Variants in PCDHGB1 observed in about 807,000 individuals in gnomAD.
PCDHGB1 encodes protocadherin gamma-B1.
In PCDHGB1, 34 loss-of-function variants were observed where a neutral mutation model predicts 56.6. The ratio of observed to expected loss-of-function variants is 0.60; its 90% CI spans 0.46 to 0.80. PCDHGB1 has a LOEUF of 0.80. PCDHGB1 is among the 30% of genes least tolerant of loss of function. The pLI is 0.00. For missense variants in PCDHGB1, 1,278 were observed against 1,204.6 expected (o/e 1.06, Z -0.90); for synonymous variants, 561 against 505.9 (o/e 1.11, Z -1.46).
At chr5:141,427,526 G>A (rs956426158) in intron 1 of PCDHGB1, 2 of 612,866 alleles carry the variant, frequency 3.3e-6, no homozygotes, top group Middle Eastern at 2.6e-4. Context: ...AGCGGATCCC[G>A]GAGTACAACG....
At chr5:141,478,618 G>A (rs1374855853) in intron 1 of PCDHGB1, 1 of 1,556,056 alleles carries the variant, frequency 6.4e-7, no homozygotes, top group Non-Finnish European at 8.7e-7. Flanking sequence ...GGAAGGAATG[G>A]AGCTGTTTTT....
intron 2 of PCDHGB1, among the ~76,000 whole-genome samples, chr5:141,500,136 A>G (rs966215589): frequency 6.6e-6 from 1 of 151,606 alleles, no homozygotes; most frequent in African/African-American, 2.4e-5. Flanking sequence ...ATATCTTTCT[A>G]AACTTTTCTT....
intron 1 of PCDHGB1, chr5:141,383,593 G>C (rs893791654): frequency 5.6e-6 from 9 of 1,613,726 alleles, no homozygotes; most frequent in Admixed American, 1.7e-5. Flanking sequence ...CCAGGTGACA[G>C]TGGTGGATGT....
At position 141,490,155 on chromosome 5, in the gene PCDHGB1, G is replaced by A. The variant is rs753981059; in HGVS notation, c.2410-4652G>A. On this transcript the variant is annotated intron_variant, in intron 1 of 3. Transcript: ENST00000523390. This position sits in a 1 kb window ranked among gnomAD's most constrained non-coding sequence, Gnocchi z 5.4. ...CTAGCAGTGGGGCAATCCATGTGTT[G>A]GGTCCCATAGACTTTGAGGAGTCAC... 2 of 1,614,214 alleles carry A rather than the reference G, an allele frequency of 1.2e-6. No individual in the cohort carries two copies. The highest frequency in any genetic ancestry group is 1.1e-5 in the South Asian group (1 of 91,086).
At chr5:141,428,044 C>A in intron 1 of PCDHGB1, 1 of 1,608,790 alleles carries the variant, frequency 6.2e-7, no homozygotes, top group Non-Finnish European at 8.5e-7. Context: ...TACCTGGTGA[C>A]CAAGGTGGTG....
At chr5:141,366,160 G>T in intron 1 of PCDHGB1, 1 of 1,614,118 alleles carries the variant, frequency 6.2e-7, no homozygotes, top group Non-Finnish European at 8.5e-7. Flanking sequence ...GCCTGCTTAA[G>T]GCCAGCGAGC....
At chr5:141,458,386 G>A (rs1037969327) in intron 1 of PCDHGB1, among the ~76,000 whole-genome samples, 3 of 152,188 alleles carry the variant, frequency 2.0e-5, no homozygotes, top group African/African-American at 4.8e-5. Context: ...GAAGGAAGAC[G>A]CTCCCCCTTG....
chr5:141,395,213 T>C, intron 1 of PCDHGB1: 1 of 1,613,280 alleles, frequency 6.2e-7, no homozygotes, highest in Non-Finnish European at 8.5e-7. Flanking sequence ...TTCATGAATA[T>C]AAGAATGAAG....
chr5:141,481,780 C>T (rs781334437), intron 1 of PCDHGB1, among the ~76,000 whole-genome samples: 3 of 152,016 alleles, frequency 2.0e-5, no homozygotes, highest in African/African-American at 7.2e-5. Flanking sequence ...GGTGAAACCC[C>T]GTCTCTACTA....
In PCDHGB1 at chr5:141,385,111, T is replaced by G. The variant is rs373196114; in HGVS notation, c.2409+32442T>G. 2.8e-5 allele frequency: 46 copies of G among 1,614,188 alleles called. No individual in the cohort carries two copies. The African/African-American group carries it at 5.6e-4, about 20-fold the overall frequency. On this transcript the variant is annotated intron_variant, in intron 1 of 3. Transcript: ENST00000523390. ...AGGTGGCTTGGCGAACGTGCCCACCTCGCACTTTGTGGGCATGGACGGGGT... is the reference window on the plus strand; with the variant it reads ...AGGTGGCTTGGCGAACGTGCCCACCGCGCACTTTGTGGGCATGGACGGGGT...
In PCDHGB1 at chr5:141,432,512, G is replaced by A. The variant is rs751785850; in HGVS notation, c.2410-62295G>A. ...GCTGGCTCCCCGCTCCGCAGAGCCC[G>A]GCTACCTGGTGACCAAGGTGGTGGC... On this transcript the variant is annotated intron_variant, in intron 1 of 3. Transcript: ENST00000523390. The surrounding 1 kb of genome is among the most constrained non-coding windows in gnomAD (Gnocchi z 6.0). 3 of 1,614,108 alleles carry A rather than the reference G, an allele frequency of 1.9e-6. No homozygotes were observed. Among genetic ancestry groups the A allele is most frequent in the Non-Finnish European group, 2.5e-6 (3 of 1,180,030 alleles).
At position 141,350,698 on chromosome 5, in the gene PCDHGB1, G is replaced by C. The variant is rs1417939450; in HGVS notation, c.438G>C (p.Gly146=). 6.2e-7 allele frequency: 1 copy of C among 1,613,916 alleles called. No individual in the cohort carries two copies. The highest frequency in any genetic ancestry group is 2.2e-5 in the East Asian group (1 of 44,888). The change falls in exon 1 of 4, where the codon GGG becomes GGC. Residue 146 remains glycine (G), a synonymous_variant. Coordinates refer to ENST00000523390, the MANE Select transcript of PCDHGB1 (RefSeq NM_018922.3). The part of the protein sequence containing the change: ...DLEICESALP[G]VKFSLDSAQD... ...AAATTTGTGAGTCAGCCTTACCCGG[G>C]GTAAAATTCTCTCTGGATTCTGCTC...
chr5:141,501,971 G>A (rs2099812098), intron 2 of PCDHGB1, among the ~76,000 whole-genome samples: 1 of 151,956 alleles, frequency 6.6e-6, no homozygotes. Context: ...CCTAACCTCT[G>A]GCATCTGGTC....
At position 141,357,730 on chromosome 5, in the gene PCDHGB1, A is replaced by T. The variant is rs1330866437; in HGVS notation, c.2409+5061A>T. 35 of 1,357,520 alleles carry T rather than the reference A, an allele frequency of 2.6e-5. No individual in the cohort carries two copies. The East Asian group carries it at 8.3e-4, about 32-fold the overall frequency. The allele number at this position is 1,357,520 out of a possible 1,614,324, so 84.1% of individuals were successfully genotyped here. ...ATCAAATAAAGTTGCCTCTTTTAAT[A>T]TTTTATTGCTTTAAAGAAAACTGGT... On this transcript the variant is annotated intron_variant, in intron 1 of 3. Coordinates refer to ENST00000523390, the MANE Select transcript of PCDHGB1 (RefSeq NM_018922.3).
At position 141,399,280 on chromosome 5, in the gene PCDHGB1, G is replaced by A. The variant is rs750453381; in HGVS notation, c.2409+46611G>A. ...GGAGGTTAATTGTCAATTACAAGGCGAAGTCCCTTTTAAGATTATCTCTTC... is the reference window on the plus strand; with the variant it reads ...GGAGGTTAATTGTCAATTACAAGGCAAAGTCCCTTTTAAGATTATCTCTTC... On this transcript the variant is annotated intron_variant, in intron 1 of 3. Coordinates refer to ENST00000523390, the MANE Select transcript of PCDHGB1 (RefSeq NM_018922.3). 20 of 1,613,836 alleles carry A rather than the reference G, an allele frequency of 1.2e-5. No homozygotes were observed. The highest frequency in any genetic ancestry group is 3.3e-4 in the Middle Eastern group (2 of 6,060).
In PCDHGB1 at chr5:141,367,963, G is replaced by A. The variant is rs983677753; in HGVS notation, c.2409+15294G>A. Among the ~76,000 whole-genome samples the A allele has an allele frequency of 1.4e-4, 21 of 152,110 alleles. 1 individual carries two copies. The South Asian group carries it at 4.2e-3, about 30-fold the overall frequency. On this transcript the variant is annotated intron_variant, in intron 1 of 3. Coordinates refer to ENST00000523390, the MANE Select transcript of PCDHGB1 (RefSeq NM_018922.3). ...CAAAATTTTAAATTTCATATCTAAC[G>A]TATGTGCTCATCTTAAATTAATAGA...
At chr5:141,429,726 C>T (rs931967000) in intron 1 of PCDHGB1, among the ~76,000 whole-genome samples, 23 of 152,068 alleles carry the variant, frequency 1.5e-4, no homozygotes, top group Admixed American at 1.3e-4. Flanking sequence ...CATGAAAGTA[C>T]GTAGCCAGTT....
rs753664223 is a variant in PCDHGB1 at position 141,410,518 on chromosome 5, C to G, written c.2409+57849C>G. 5.0e-6 allele frequency: 8 copies of G among 1,613,820 alleles called. No homozygotes were observed. In the East Asian group the frequency reaches 1.8e-4, roughly 36 times the overall value. On this transcript the variant is annotated intron_variant, in intron 1 of 3. Coordinates refer to ENST00000523390, the MANE Select transcript of PCDHGB1 (RefSeq NM_018922.3). ...TTAATTTCCTAAAATGCAGTGTGCC[C>G]CTACATTCCAATGAAGACATGGTTT...
At position 141,486,061 on chromosome 5, in the gene PCDHGB1, C is replaced by T. The variant is rs1280895997; in HGVS notation, c.2410-8746C>T. 2 of 1,614,166 alleles carry T rather than the reference C, an allele frequency of 1.2e-6. No individual in the cohort carries two copies. Among genetic ancestry groups the T allele is most frequent in the South Asian group, 1.1e-5 (1 of 91,078 alleles). On this transcript the variant is annotated intron_variant, in intron 1 of 3. Coordinates refer to ENST00000523390, the MANE Select transcript of PCDHGB1 (RefSeq NM_018922.3). The surrounding 1 kb of genome is among the most constrained non-coding windows in gnomAD (Gnocchi z 5.0). ...GTGTAAGAAACCTCTTTAGCCTGCA[C>T]CCCACTACTGGAAAGCTTACTCTTT...
Sources: allele counts gnomAD v4.1 joint callset (sites outside exome capture counted in the v4.1 genomes callset), GRCh38; gene constraint gnomAD v4.1.1; non-coding constraint Gnocchi (gnomAD v3.1); transcripts MANE v1.5; gene names NCBI Gene and HGNC (gene_info 2026-07-23, HGNC 2026-07-21).